ZNF385D: variants seen among roughly 807,000 people sequenced by gnomAD.
The protein encoded by ZNF385D is zinc finger protein 385D, also known as zinc finger protein 659.
Under a neutral mutation model 35.8 loss-of-function variants are expected in ZNF385D, and 15 were observed. The ratio of observed to expected loss-of-function variants is 0.42; its 90% CI spans 0.28 to 0.64. The LOEUF is 0.64. Ranked by LOEUF, ZNF385D falls within the 30% of genes least tolerant of loss-of-function variation. The pLI, the probability that ZNF385D is intolerant of heterozygous loss-of-function variation, is 0.23. For missense variants in ZNF385D, 474 were observed against 494.6 expected (o/e 0.96, Z 0.39); for synonymous variants, 212 against 186.8 (o/e 1.13, Z -1.10).
chr3:21,829,943 G>A (rs2125760102), intron 3 of ZNF385D, among the ~76,000 whole-genome samples: 1 of 152,048 alleles, frequency 6.6e-6, no homozygotes, highest in East Asian at 2.0e-4. Context: ...GGCCAACATG[G>A]TGAAACCCCA....
intron 3 of ZNF385D, among the ~76,000 whole-genome samples, chr3:22,058,221 A>G (rs1699508995): frequency 1.3e-5 from 2 of 152,198 alleles, no homozygotes. Flanking sequence ...AAAAAAGCAA[A>G]CTGTATTAGA....
rs1012769493 is a variant in ZNF385D at position 22,230,626 on chromosome 3, C to T, written c.107-61591G>A. On this transcript the variant is annotated intron_variant, in intron 2 of 5. Coordinates refer to the ZNF385D transcript ENST00000494108. ...CCTCACATCAACCCCTAAATTCAAC[C>T]CTACATTAATTGTTCAAGTTAGCTA... is the stretch of plus-strand genomic sequence containing the variant. Among the ~76,000 whole-genome samples the T allele has an allele frequency of 4.3e-4, 66 of 152,164 alleles. 1 individual carries two copies. Among genetic ancestry groups the T allele is most frequent in the Non-Finnish European group, 8.8e-5 (6 of 68,034 alleles).
intron 2 of ZNF385D, among the ~76,000 whole-genome samples, chr3:21,575,095 CATT>C (rs1272213750): frequency 1.3e-5 from 2 of 152,090 alleles, no homozygotes; most frequent in African/African-American, 4.8e-5. Flanking sequence ...TAAAATTTAT[CATT>C]ATTTTCTTTT....
intron 3 of ZNF385D, among the ~76,000 whole-genome samples, chr3:21,852,261 T>C (rs1343398907): frequency 6.6e-6 from 1 of 151,962 alleles, no homozygotes; most frequent in Admixed American, 6.6e-5. Context: ...TGCACATCTC[T>C]AAGGAATAAG....
intron 2 of ZNF385D, among the ~76,000 whole-genome samples, chr3:22,315,025 T>G (rs1015126167): frequency 6.6e-6 from 1 of 152,074 alleles, no homozygotes; most frequent in African/African-American, 2.4e-5. Flanking sequence ...AAAGCACTCA[T>G]GATGAAGGCT....
chr3:21,675,124 A>C (rs777014155), intron 1 of ZNF385D, among the ~76,000 whole-genome samples: 3 of 152,094 alleles, frequency 2.0e-5, no homozygotes, highest in Non-Finnish European at 4.4e-5. Context: ...AGTTTATTGG[A>C]GTGTACTGCT....
chr3:21,769,077 G>C (rs6795814), intron 3 of ZNF385D, among the ~76,000 whole-genome samples: 3 of 151,626 alleles, frequency 2.0e-5, no homozygotes, highest in Admixed American at 1.3e-4. Context: ...TAGCATGAAG[G>C]GCTGTTGAAT....
At chr3:21,865,569 A>G (rs1370699230) in intron 3 of ZNF385D, among the ~76,000 whole-genome samples, 1 of 152,138 alleles carries the variant, frequency 6.6e-6, no homozygotes, top group Non-Finnish European at 1.5e-5. Context: ...ATATTACAAA[A>G]TAAATTTCAA....
intron 3 of ZNF385D, among the ~76,000 whole-genome samples, chr3:21,868,693 G>A (rs1299500197): frequency 3.3e-5 from 5 of 152,122 alleles, no homozygotes; most frequent in Admixed American, 2.0e-4. Context: ...AATTAAACAT[G>A]TAAAGCGTAT....
At chr3:21,793,411 C>A (rs945168935) in intron 3 of ZNF385D, among the ~76,000 whole-genome samples, 2 of 152,190 alleles carry the variant, frequency 1.3e-5, no homozygotes, top group East Asian at 1.9e-4. Context: ...GAACAAAGAA[C>A]AACAGATCCT....
intron 3 of ZNF385D, among the ~76,000 whole-genome samples, chr3:21,556,027 TTCATA>T (rs1322340123): frequency 6.6e-6 from 1 of 152,002 alleles, no homozygotes. Flanking sequence ...GAAGTGTCTG[TTCATA>T]TCCTTTGCCC....
chr3:21,632,983 T>C (rs943140823), intron 2 of ZNF385D, among the ~76,000 whole-genome samples: 2 of 152,084 alleles, frequency 1.3e-5, no homozygotes, highest in African/African-American at 4.8e-5. Flanking sequence ...CTCTAATACA[T>C]TTACTTCGAA....
At chr3:21,710,199 A>C (rs1339442555) in intron 1 of ZNF385D, among the ~76,000 whole-genome samples, 1 of 152,214 alleles carries the variant, frequency 6.6e-6, no homozygotes, top group Non-Finnish European at 1.5e-5. Context: ...GAACAGTTTC[A>C]TATTTTGATT....
At chr3:21,970,052 T>C (rs529235921) in intron 3 of ZNF385D, among the ~76,000 whole-genome samples, 38 of 152,258 alleles carry the variant, frequency 2.5e-4, no homozygotes, top group African/African-American at 8.9e-4. Flanking sequence ...AGATTTACAT[T>C]ACAGCACCCA....
intron 1 of ZNF385D, among the ~76,000 whole-genome samples, chr3:21,691,883 C>G (rs1187691704): frequency 2.0e-5 from 3 of 152,170 alleles, no homozygotes; most frequent in Non-Finnish European, 4.4e-5. Context: ...CAATAACTCT[C>G]CATTATTCCC....
At chr3:22,208,655 C>A (rs1030817343) in intron 2 of ZNF385D, among the ~76,000 whole-genome samples, 1 of 151,316 alleles carries the variant, frequency 6.6e-6, no homozygotes, top group East Asian at 1.9e-4. Flanking sequence ...TTGCCCATAT[C>A]AAAATATCTT....
At chr3:21,743,392 G>A (rs767715816) in intron 1 of ZNF385D, among the ~76,000 whole-genome samples, 1 of 152,208 alleles carries the variant, frequency 6.6e-6, no homozygotes, top group African/African-American at 2.4e-5. Context: ...GAGAAAGCCT[G>A]GATCCTTCCT....
intron 3 of ZNF385D, among the ~76,000 whole-genome samples, chr3:22,081,565 A>C (rs6789128): frequency 1.7e-4 from 26 of 152,274 alleles, no homozygotes; most frequent in Non-Finnish European, 2.8e-4. Context: ...CAGCCTACAC[A>C]CTTCCAATAG....
intron 4 of ZNF385D, among the ~76,000 whole-genome samples, chr3:21,445,564 T>C (rs578176983): frequency 1.3e-5 from 2 of 152,342 alleles, no homozygotes; most frequent in African/African-American, 2.4e-5. Context: ...CCTTAGTTGA[T>C]AACAATCACC....
Sources: gnomAD v4.1 joint callset for allele counts (sites outside exome capture counted in the v4.1 genomes callset) on GRCh38, gnomAD v4.1.1 for gene constraint, MANE v1.5 for transcripts, NCBI Gene and HGNC (gene_info 2026-07-23, HGNC 2026-07-21) for gene names.